The following DCDC2B variants were observed in gnomAD, a reference collection of about 807,000 sequenced individuals.
DCDC2B encodes doublecortin domain-containing protein 2B.
Under a neutral mutation model 38.9 loss-of-function variants are expected in DCDC2B, and 41 were observed. The ratio of observed to expected loss-of-function variants is 1.05; its 90% CI spans 0.82 to 1.37. DCDC2B has a LOEUF of 1.37. DCDC2B is among the 40% of genes most tolerant of loss of function. The probability of loss-of-function intolerance (pLI) is 0.00; values close to 1 mark genes in which losing one functional copy is unlikely to be tolerated. For missense variants in DCDC2B, 453 were observed against 427.2 expected (o/e 1.06, Z -0.53); for synonymous variants, 181 against 171.9 (o/e 1.05, Z -0.41).
intron 1 of DCDC2B, among the ~76,000 whole-genome samples, chr1:32,210,654 A>C (rs945439425): frequency 5.3e-5 from 8 of 152,108 alleles, no homozygotes; most frequent in Non-Finnish European, 8.8e-5. Flanking sequence ...TATCTCATGA[A>C]TGAGAATATT....
rs1260754286 is a variant in DCDC2B at position 32,209,243 on chromosome 1, A to G, written c.150A>G (p.Pro50=). Residue 50 remains proline (P), a synonymous_variant, in exon 1 of 9, where the codon CCA becomes CCG. Transcript: ENST00000409358. The part of the protein sequence containing the change: ...LCEVTSAVQA[P]LAVRALYTPC... ...AGGTGACATCAGCTGTGCAGGCCCCACTGGCTGTGCGTGCCCTCTACACAC... is the reference window on the plus strand; with the variant it reads ...AGGTGACATCAGCTGTGCAGGCCCCGCTGGCTGTGCGTGCCCTCTACACAC... 1.2e-6 allele frequency: 2 copies of G among 1,613,914 alleles called. No individual in the cohort carries two copies. Among genetic ancestry groups the G allele is most frequent in the Non-Finnish European group, 8.5e-7 (1 of 1,179,880 alleles).
At position 32,213,503 on chromosome 1, in the gene DCDC2B, A is replaced by ATTT. The variant is rs4012160; in HGVS notation, c.714+731_714+733dup. 2.4e-4 allele frequency among the ~76,000 whole-genome samples: 28 copies of ATTT among 116,570 alleles called. 1 individual carries two copies. Among genetic ancestry groups the ATTT allele is most frequent in the African/African-American group, 7.2e-4 (20 of 27,734 alleles). The allele number at this position is 116,570 out of a possible 152,430, so 76.5% of individuals were successfully genotyped here. ...AGGTATGTGCCACCACACCCGGCTAATTTTTTTTTTTTTTTTTTTTTTTGA... is the reference window on the plus strand; with the variant it reads ...AGGTATGTGCCACCACACCCGGCTAATTTTTTTTTTTTTTTTTTTTTTTTTTGA... On this transcript the variant is annotated intron_variant, in intron 6 of 8. Coordinates refer to ENST00000409358, the MANE Select transcript of DCDC2B (RefSeq NM_001099434.2).
At chr1:32,212,337 G>C in intron 4 of DCDC2B, 136 bp downstream of exon 4, 1 of 1,527,632 alleles carries the variant, frequency 6.5e-7, no homozygotes, top group African/African-American at 1.4e-5. Context: ...CACTGGGAGA[G>C]GGCCCTCTGC....
chr1:32,212,657 GCGGTAACAGGC>G (rs1643637120), intron 5 of DCDC2B, 21 bp downstream of exon 5: 1 of 1,613,284 alleles, frequency 6.2e-7, no homozygotes, highest in Admixed American at 1.7e-5. Flanking sequence ...GGGAGGTGGA[GCGGTAACAGGC>G]CGGGCAGAGG....
At chr1:32,212,852 C>A in intron 6 of DCDC2B, 59 bp downstream of exon 6, 1 of 1,577,834 alleles carries the variant, frequency 6.3e-7, no homozygotes, top group Non-Finnish European at 8.7e-7. Flanking sequence ...GCTGACAACT[C>A]TTCTGGCACA....
At position 32,212,164 on chromosome 1, in the gene DCDC2B, A is replaced by G. The variant is rs1643613325; in HGVS notation, c.490A>G (p.Thr164Ala). The change falls in exon 4 of 9, where the codon ACT becomes GCT. Residue 164 changes from threonine (T) to alanine (A), a missense_variant. Coordinates refer to ENST00000409358, the MANE Select transcript of DCDC2B (RefSeq NM_001099434.2). ...CTGGGAAACTGTGTTGAAGCTCCTG[A>G]CTGAGAAGGTCAAGTTGCAGAGTGG... ...QDWETVLKLL[T>A]EKVKLQSGAV... 5 of 1,613,732 alleles carry G rather than the reference A, an allele frequency of 3.1e-6. No homozygotes were observed. The highest frequency in any genetic ancestry group is 4.2e-6 in the Non-Finnish European group (5 of 1,179,850).
chr1:32,213,639 G>A (rs1406358557), intron 6 of DCDC2B, among the ~76,000 whole-genome samples: 2 of 151,602 alleles, frequency 1.3e-5, no homozygotes, highest in Non-Finnish European at 2.9e-5. Context: ...CTCCCGAGCA[G>A]CTGGGACTAC....
chr1:32,212,716 C>T (rs780223289), intron 5 of DCDC2B, 38 bp from the exon 6 acceptor site: 29 of 1,613,566 alleles, frequency 1.8e-5, no homozygotes, highest in African/African-American at 2.7e-5. Context: ...GACTCTATGC[C>T]CTCTGCCCAC....
intron 6 of DCDC2B, 136 bp from the exon 7 acceptor site, chr1:32,214,661 G>C: frequency 7.8e-7 from 1 of 1,287,592 alleles, no homozygotes; most frequent in Non-Finnish European, 1.1e-6. Context: ...GAGGGAGGAC[G>C]TACTTTGTGA....
intron 6 of DCDC2B, chr1:32,214,555 G>A (rs750517420): frequency 5.7e-6 from 3 of 523,582 alleles, no homozygotes; most frequent in Non-Finnish European, 1.0e-5. Context: ...TGGTGGGGGT[G>A]GGGAAGCACA....
chr1:32,212,899 C>A, intron 6 of DCDC2B, 106 bp downstream of exon 6: 1 of 1,366,692 alleles, frequency 7.3e-7, no homozygotes, highest in East Asian at 2.3e-5. Context: ...TCTCTTTTTT[C>A]TTTTTCTTTG....
Position 32,212,064 on chromosome 1 carries a change from T to C in DCDC2B, c.396-6T>C. On this transcript the variant is annotated splice_region_variant and splice_polypyrimidine_tract_variant and intron_variant, in intron 3 of 8. Transcript: ENST00000409358. ...ACACTCCCCCTTACCAGGCTTTTTG[T>C]CTCAGTGTGTTCAGGAATGGGGACC... is the stretch of plus-strand genomic sequence containing the variant. The C allele has an allele frequency of 6.2e-7, 1 of 1,610,258 alleles. No homozygotes were observed. Among genetic ancestry groups the C allele is most frequent in the Non-Finnish European group, 8.5e-7 (1 of 1,177,056 alleles).
At position 32,212,752 on chromosome 1, in the gene DCDC2B, A is replaced by G. The variant is rs1375356583; in HGVS notation, c.675-2A>G. ...TACAAGCCTTTCCTTTTGTCATTGT[A>G]GGCAACCTCCAGGCTCGAAGTCTAG... On this transcript the variant is annotated splice_acceptor_variant, in intron 5 of 8. Transcript: ENST00000409358. LOFTEE classifies it high-confidence loss of function. The G allele has an allele frequency of 6.2e-7, 1 of 1,613,804 alleles. No individual in the cohort carries two copies. The highest frequency in any genetic ancestry group is 2.2e-5 in the East Asian group (1 of 44,898).
At position 32,212,603 on chromosome 1, in the gene DCDC2B, T is replaced by C. The variant is rs756001667; in HGVS notation, c.641T>C (p.Leu214Pro). The change falls in exon 5 of 9, where the codon CTG becomes CCG. Residue 214 changes from leucine (L) to proline (P), a missense_variant. Transcript: ENST00000409358. ...EFKDLPYLEL[L>P]VPSPSLPRGC... ...AAGGACCTTCCCTATCTGGAGCTGC[T>C]GGTGCCCAGCCCCTCCCTGCCCAGG... 8.7e-6 allele frequency: 14 copies of C among 1,613,898 alleles called. No individual in the cohort carries two copies. The highest frequency in any genetic ancestry group is 2.2e-5 in the South Asian group (2 of 91,088).
rs1557530670 is a variant in DCDC2B at position 32,212,160 on chromosome 1, CCTGA to C, written c.491_494del (p.Thr164ArgfsTer16). On this transcript the variant is annotated frameshift_variant, in exon 4 of 9. Coordinates refer to ENST00000409358, the MANE Select transcript of DCDC2B (RefSeq NM_001099434.2). LOFTEE classifies it high-confidence loss of function. ...AGGACTGGGAAACTGTGTTGAAGCT[CCTGA>C]CTGAGAAGGTCAAGTTGCAGAGTGG... is the stretch of plus-strand genomic sequence containing the variant. 1.2e-6 allele frequency: 2 copies of C among 1,613,806 alleles called. No individual in the cohort carries two copies. The highest frequency in any genetic ancestry group is 1.7e-5 in the Admixed American group (1 of 60,024).
chr1:32,212,351 G>A, intron 4 of DCDC2B, 139 bp from the exon 5 acceptor site: 1 of 1,517,066 alleles, frequency 6.6e-7, no homozygotes, highest in Non-Finnish European at 8.9e-7. Context: ...CCTCTGCCCA[G>A]CCCTCAGAGG....
Position 32,215,837 on chromosome 1 carries a change from G to T in DCDC2B, c.990G>T (p.Leu330=). The change falls in exon 9 of 9, where the codon CTG becomes CTT. Residue 330 remains leucine (L), a synonymous_variant. Coordinates refer to ENST00000409358, the MANE Select transcript of DCDC2B (RefSeq NM_001099434.2). ...AGATAGTGGAAGAGGCCTTGTCCCT[G>T]GAAAACCAGCCTGGGGCTGGGGCTG... ...AAQIVEEALS[L]ENQPGAGAAI... 1 of 1,553,178 alleles carries T rather than the reference G, an allele frequency of 6.4e-7. No individual in the cohort carries two copies. The highest frequency in any genetic ancestry group is 2.4e-5 in the East Asian group (1 of 41,042).
chr1:32,212,029 A>G (rs749672898), intron 3 of DCDC2B, 41 bp from the exon 4 acceptor site: 1 of 1,594,798 alleles, frequency 6.3e-7, no homozygotes, highest in Non-Finnish European at 8.6e-7. Flanking sequence ...ACATGTAGGG[A>G]CTCCTGGGGA....
At chr1:32,211,431 C>T (rs1643578806) in intron 2 of DCDC2B, 108 bp downstream of exon 2, 2 of 1,140,076 alleles carry the variant, frequency 1.8e-6, no homozygotes, top group South Asian at 2.7e-5. Context: ...CTGCCAGTTC[C>T]AGGGGGGTAC....
Sources: gnomAD v4.1 joint callset for allele counts (sites outside exome capture counted in the v4.1 genomes callset) on GRCh38, gnomAD v4.1.1 for gene constraint, MANE v1.5 for transcripts, NCBI Gene and HGNC (gene_info 2026-07-23, HGNC 2026-07-21) for gene names.